Variants in SEMA6D observed in about 807,000 individuals in gnomAD.
The protein encoded by SEMA6D is semaphorin 6D.
Under a neutral mutation model 106.6 loss-of-function variants are expected in SEMA6D, and 35 were observed. The observed-to-expected ratio is 0.33, with a 90% CI of 0.25 to 0.44. The LOEUF (loss-of-function observed/expected upper bound fraction) is 0.44. Ranked by LOEUF, SEMA6D falls within the 20% of genes least tolerant of loss-of-function variation. SEMA6D has a pLI of 1.00. For synonymous variants in SEMA6D, 499 were observed against 487.7 expected, an observed-to-expected ratio of 1.02 and a Z score of -0.31; for missense variants, 1,185 against 1,345.9, an observed-to-expected ratio of 0.88 and a Z score of 1.87.
At chr15:47,489,185 C>T (rs1326048574) in intron 3 of SEMA6D, among the ~76,000 whole-genome samples, 3 of 152,060 alleles carry the variant, frequency 2.0e-5, no homozygotes, top group Admixed American at 6.5e-5. Flanking sequence ...ACTGGAGTGA[C>T]GCTGCCACAG....
rs1205534279 is a variant in SEMA6D, at chr15:47,233,077, C to T, written c.-239+48659C>T. On this transcript the variant is annotated intron_variant, in intron 1 of 19. Coordinates refer to the SEMA6D transcript ENST00000558014. ...TCTAAGAATTTTATTATGCTCTCAG[C>T]TTTTGCATTTAGGTAATTAATCAAT... is the stretch of plus-strand genomic sequence containing the variant. Among the ~76,000 whole-genome samples the T allele has an allele frequency of 6.6e-5, 10 of 151,940 alleles. No homozygotes were observed. The South Asian group carries it at 2.1e-3, about 31-fold the overall frequency.
intron 2 of SEMA6D, among the ~76,000 whole-genome samples, chr15:47,461,731 T>C (rs547080019): frequency 6.6e-6 from 1 of 152,188 alleles, no homozygotes; most frequent in East Asian, 1.9e-4. Flanking sequence ...CATATGTTAA[T>C]TTATTTAAGA....
At chr15:47,339,784 A>G (rs1358543956) in intron 1 of SEMA6D, among the ~76,000 whole-genome samples, 1 of 152,002 alleles carries the variant, frequency 6.6e-6, no homozygotes, top group Non-Finnish European at 1.5e-5. Context: ...ATTTGAACCT[A>G]GGAGGTGGAG....
At chr15:47,435,090 C>A (rs914997919) in intron 2 of SEMA6D, among the ~76,000 whole-genome samples, 1 of 152,086 alleles carries the variant, frequency 6.6e-6, no homozygotes, top group Non-Finnish European at 1.5e-5. Flanking sequence ...ACATTGGATT[C>A]GAATTTCAGT....
intron 4 of SEMA6D, among the ~76,000 whole-genome samples, chr15:47,679,156 C>T (rs2078300158): frequency 6.6e-6 from 1 of 152,166 alleles, no homozygotes; most frequent in African/African-American, 2.4e-5. Context: ...AACTTTTATA[C>T]TACAGATATG....
chr15:47,622,906 G>A (rs1224820489), intron 4 of SEMA6D, among the ~76,000 whole-genome samples: 1 of 152,162 alleles, frequency 6.6e-6, no homozygotes. Flanking sequence ...CCTCAAGAGA[G>A]TTGCGGGCAT....
chr15:47,474,559 G>A (rs535658638), intron 3 of SEMA6D, among the ~76,000 whole-genome samples: 5 of 152,228 alleles, frequency 3.3e-5, no homozygotes, highest in Admixed American at 2.0e-4. Context: ...TTCTCAAAGC[G>A]TCTTGTGTGA....
At chr15:47,627,517 G>C (rs2077223750) in intron 4 of SEMA6D, among the ~76,000 whole-genome samples, 2 of 152,116 alleles carry the variant, frequency 1.3e-5, no homozygotes, top group Non-Finnish European at 2.9e-5. Context: ...AATAATCACA[G>C]AGATATGGTG....
At chr15:47,377,952 A>G (rs2039505930) in intron 1 of SEMA6D, among the ~76,000 whole-genome samples, 1 of 152,180 alleles carries the variant, frequency 6.6e-6, no homozygotes, top group Non-Finnish European at 1.5e-5. Context: ...GTGAAAGTTT[A>G]TACCACCTGG....
intron 1 of SEMA6D, among the ~76,000 whole-genome samples, chr15:47,214,539 C>G (rs1239389755): frequency 6.6e-6 from 1 of 152,160 alleles, no homozygotes; most frequent in Admixed American, 6.6e-5. Context: ...TCTGAAGACA[C>G]TTGTGTTTAG....
At chr15:47,418,929 A>G (rs1337496803) in intron 2 of SEMA6D, among the ~76,000 whole-genome samples, 1 of 152,184 alleles carries the variant, frequency 6.6e-6, no homozygotes, top group South Asian at 2.1e-4. Context: ...GCGTAAGTGC[A>G]AGCATACAGT....
Position 47,761,673 on chromosome 15 carries a change from G to A in SEMA6D, c.460G>A (p.Glu154Lys). The A allele has an allele frequency of 6.2e-7, 1 of 1,613,062 alleles. No homozygotes were observed. The highest frequency in any genetic ancestry group is 8.5e-7 in the Non-Finnish European group (1 of 1,179,442). ...TTTTCTTTTGTAGTTGAGTACCTTAGAATATGATGGGGAAGAAATTAGTGG... is the reference window on the plus strand; with the variant it reads ...TTTTCTTTTGTAGTTGAGTACCTTAAAATATGATGGGGAAGAAATTAGTGG... ...MCRYYRLSTL[E>K]YDGEEISGLA... Residue 154 changes from glutamate to lysine, a missense_variant, in exon 7 of 19, where the codon GAA becomes AAA. Coordinates refer to ENST00000536845, the MANE Select transcript of SEMA6D (RefSeq NM_001358351.3).
At chr15:47,708,067 C>A (rs758771341) in intron 4 of SEMA6D, among the ~76,000 whole-genome samples, 33 of 152,186 alleles carry the variant, frequency 2.2e-4, no homozygotes, top group Admixed American at 4.6e-4. Context: ...CTGACCCCTA[C>A]ATTAGCATTC....
At chr15:47,412,760 T>C (rs916450973) in intron 2 of SEMA6D, among the ~76,000 whole-genome samples, 2 of 152,194 alleles carry the variant, frequency 1.3e-5, no homozygotes, top group African/African-American at 4.8e-5. Flanking sequence ...AAACTACGTG[T>C]ATTCAGAAGA....
intron 2 of SEMA6D, among the ~76,000 whole-genome samples, chr15:47,431,355 C>G (rs1193794908): frequency 1.3e-5 from 2 of 152,068 alleles, no homozygotes; most frequent in Non-Finnish European, 2.9e-5. Flanking sequence ...ACAATTTGAG[C>G]ATAACACTGT....
intron 3 of SEMA6D, among the ~76,000 whole-genome samples, chr15:47,600,576 T>G (rs1417848334): frequency 6.6e-6 from 1 of 152,162 alleles, no homozygotes; most frequent in Non-Finnish European, 1.5e-5. Context: ...ACATGCACAG[T>G]GTCTAGCCTA....
chr15:47,602,784 C>T (rs2076690545), intron 4 of SEMA6D, among the ~76,000 whole-genome samples: 1 of 152,156 alleles, frequency 6.6e-6, no homozygotes, highest in South Asian at 2.1e-4. Context: ...AGCTCCATCC[C>T]TGCCTTTGCA....
Position 47,662,544 on chromosome 15 carries a change from C to T in SEMA6D, c.-55+61648C>T, listed in dbSNP as rs529822284. Among the ~76,000 whole-genome samples, 7 of 152,322 alleles carry T rather than the reference C, an allele frequency of 4.6e-5. No individual in the cohort carries two copies. The East Asian group carries it at 1.3e-3, about 29-fold the overall frequency. ...CATCTTTCTTAGAATTTATATTCCTCTGTCTCTGAAGGGAGACCTAAATGT... is the reference window on the plus strand; with the variant it reads ...CATCTTTCTTAGAATTTATATTCCTTTGTCTCTGAAGGGAGACCTAAATGT... On this transcript the variant is annotated intron_variant, in intron 4 of 19. Coordinates refer to the SEMA6D transcript ENST00000558014.
intron 1 of SEMA6D, among the ~76,000 whole-genome samples, chr15:47,195,036 GA>G (rs1456893597): frequency 6.6e-6 from 1 of 152,006 alleles, no homozygotes; most frequent in Non-Finnish European, 1.5e-5. Flanking sequence ...GAAATTTGAT[GA>G]AAAAAAGAAT....
Sources: allele counts gnomAD v4.1 joint callset (sites outside exome capture counted in the v4.1 genomes callset), GRCh38; gene constraint gnomAD v4.1.1; transcripts MANE v1.5; gene names NCBI Gene and HGNC (gene_info 2026-07-23, HGNC 2026-07-21).